Variants in CEACAM5 observed in about 807,000 individuals in gnomAD.
CEACAM5 encodes cell adhesion molecule CEACAM5.
A neutral mutation model predicts 63.0 loss-of-function variants in CEACAM5; 52 were observed. The observed-to-expected ratio is 0.83, with a 90% CI of 0.66 to 1.04. The LOEUF (loss-of-function observed/expected upper bound fraction) is 1.04. Ranked by LOEUF, CEACAM5 falls within the 50% of genes least tolerant of loss-of-function variation. CEACAM5 has a pLI of 0.00. For synonymous variants in CEACAM5, 357 were observed against 351.3 expected (o/e 1.02, Z -0.18); for missense variants, 790 against 864.8 (o/e 0.91, Z 1.08).
Position 41,717,442 on chromosome 19 carries a change from G to A in CEACAM5, c.959-13G>A. ...TGCCACACAGGGCAATCTTCTCTCT[G>A]TTATCTGCACAGCAGAGCCACCCAA... On this transcript the variant is annotated splice_polypyrimidine_tract_variant and intron_variant, in intron 4 of 9. Coordinates refer to ENST00000221992, the MANE Select transcript of CEACAM5 (RefSeq NM_004363.6). The A allele has an allele frequency of 1.2e-6, 2 of 1,607,808 alleles. No homozygotes were observed. The highest frequency in any genetic ancestry group is 1.7e-6 in the Non-Finnish European group (2 of 1,176,178).
At chr19:41,721,329 G>A (rs1434443866) in intron 8 of CEACAM5, among the ~76,000 whole-genome samples, 153 bp downstream of exon 8, 4 of 152,144 alleles carry the variant, frequency 2.6e-5, no homozygotes, top group African/African-American at 7.2e-5. Context: ...ACTCCATCTC[G>A]GCCAACTCTC....
chr19:41,718,354 G>A lies in CEACAM5; in HGVS notation c.1464G>A (p.Arg488=), dbSNP rs782270899. ...ATAACTCAGCCAGTGGCCACAGCAG[G>A]ACTACAGTCAAGACAATCACAGTCT... is the stretch of plus-strand genomic sequence containing the variant. ...QANNSASGHS[R]TTVKTITVSA... The change falls in exon 6 of 10, where the codon AGG becomes AGA. Residue 488 remains arginine (R), a synonymous_variant. Transcript: ENST00000221992. 1 of 1,614,026 alleles carries A rather than the reference G, an allele frequency of 6.2e-7. No homozygotes were observed. The highest frequency in any genetic ancestry group is 1.3e-5 in the African/African-American group (1 of 74,890).
intron 2 of CEACAM5, 106 bp downstream of exon 2, chr19:41,710,145 C>A (rs2072413683): frequency 1.3e-6 from 2 of 1,482,124 alleles, no homozygotes; most frequent in Non-Finnish European, 9.1e-7. Context: ...GCATTACGCA[C>A]CATGTTAGGG....
At chr19:41,728,677 C>G (rs1555817466) in intron 9 of CEACAM5, among the ~76,000 whole-genome samples, 1 of 151,504 alleles carries the variant, frequency 6.6e-6, no homozygotes, top group Non-Finnish European at 1.5e-5. Flanking sequence ...ATTCCAGCTA[C>G]TCAGAAGGCT....
chr19:41,714,506 A>T (rs1600459352), intron 2 of CEACAM5, among the ~76,000 whole-genome samples: 1 of 152,348 alleles, frequency 6.6e-6, no homozygotes, highest in Middle Eastern at 3.4e-3. Flanking sequence ...TTTAAGGACA[A>T]TGGGAAGACC....
At chr19:41,714,003 T>A (rs1054219635) in intron 2 of CEACAM5, among the ~76,000 whole-genome samples, 5 of 151,960 alleles carry the variant, frequency 3.3e-5, no homozygotes, top group Non-Finnish European at 7.4e-5. Context: ...ACACCTGAGG[T>A]CAGAAGTTCA....
In CEACAM5 at chr19:41,717,499, G is replaced by A. The variant is rs75927810; in HGVS notation, c.1003G>A (p.Val335Met). The A allele has an allele frequency of 3.3e-3, 5,249 of 1,614,154 alleles. 115 individuals carry two copies. In the African/African-American group the frequency reaches 0.054, roughly 17 times the overall value. ...PFITSNNSNP[V>M]EDEDAVALTC... The stretch of plus-strand genomic sequence containing the variant: ...CATCACCAGCAACAACTCCAACCCC[G>A]TGGAGGATGAGGATGCTGTAGCCTT... The change falls in exon 5 of 10, where the codon GTG becomes ATG. Residue 335 changes from valine (V) to methionine (M), a missense_variant. Val to Met is a conservative substitution (Grantham distance 21). Coordinates refer to ENST00000221992, the MANE Select transcript of CEACAM5 (RefSeq NM_004363.6).
At position 41,727,325 on chromosome 19, in the gene CEACAM5, G is replaced by A. The variant is rs1555817253; in HGVS notation, c.*9G>A. ...GGGTTGCTCTGATATAGCAGCCCTGGTGTAGTTTCTTCATTTCAGGAAGAC... is the reference window on the plus strand; with the variant it reads ...GGGTTGCTCTGATATAGCAGCCCTGATGTAGTTTCTTCATTTCAGGAAGAC... On this transcript the variant is annotated 3_prime_UTR_variant, in exon 9 of 10. Transcript: ENST00000221992. The A allele has an allele frequency of 2.5e-6, 4 of 1,603,112 alleles. 1 individual carries two copies. Among genetic ancestry groups the A allele is most frequent in the Admixed American group, 3.3e-5 (2 of 59,784 alleles).
At position 41,715,778 on chromosome 19, in the gene CEACAM5, C is replaced by T. The variant is rs1555814941; in HGVS notation, c.832C>T (p.Gln278Ter). Residue 278 changes from glutamine to a stop codon, truncating the protein, a stop_gained, in exon 4 of 10, where the codon CAG (glutamine) becomes TAG (stop). Coordinates refer to ENST00000221992, the MANE Select transcript of CEACAM5 (RefSeq NM_004363.6). LOFTEE classifies it high-confidence loss of function. ...QYSWFVNGTF[Q>*]QSTQELFIPN... ...CTCTTGGTTTGTCAATGGGACTTTC[C>T]AGCAATCCACCCAAGAGCTCTTTAT... The T allele has an allele frequency of 3.7e-6, 6 of 1,614,186 alleles. No individual in the cohort carries two copies. The highest frequency in any genetic ancestry group is 4.2e-6 in the Non-Finnish European group (5 of 1,180,026).
Position 41,718,189 on chromosome 19 carries a change from C to A in CEACAM5, c.1299C>A (p.Leu433=). ...CCTATTACCGTCCAGGGGTGAACCT[C>A]AGCCTCTCCTGCCATGCAGCCTCTA... is the stretch of plus-strand genomic sequence containing the variant. ...SYTYYRPGVN[L]SLSCHAASNP... The change falls in exon 6 of 10, where the codon CTC becomes CTA. Residue 433 remains leucine (L), a synonymous_variant. Coordinates refer to ENST00000221992, the MANE Select transcript of CEACAM5 (RefSeq NM_004363.6). 6.2e-7 allele frequency: 1 copy of A among 1,614,234 alleles called. No individual in the cohort carries two copies. The highest frequency in any genetic ancestry group is 2.2e-5 in the East Asian group (1 of 44,892).
chr19:41,710,833 G>A (rs1364569701), intron 2 of CEACAM5, among the ~76,000 whole-genome samples: 1 of 152,204 alleles, frequency 6.6e-6, no homozygotes, highest in African/African-American at 2.4e-5. Context: ...GTTCATTTGA[G>A]CAGCTCCTCT....
At chr19:41,711,735 T>C (rs1365814481) in intron 2 of CEACAM5, among the ~76,000 whole-genome samples, 2 of 152,130 alleles carry the variant, frequency 1.3e-5, no homozygotes, top group African/African-American at 4.8e-5. Flanking sequence ...TATTCCTCCA[T>C]GTTCTTCGTC....
chr19:41,709,556 AC>A, intron 1 of CEACAM5, 123 bp from the exon 2 acceptor site: 1 of 1,450,294 alleles, frequency 6.9e-7, no homozygotes, highest in Non-Finnish European at 9.3e-7. Flanking sequence ...ACACACACAC[AC>A]ACACACACAC....
intron 2 of CEACAM5, among the ~76,000 whole-genome samples, chr19:41,713,819 CT>C (rs2072474925): frequency 1.3e-5 from 2 of 152,224 alleles, no homozygotes; most frequent in Non-Finnish European, 2.9e-5. Context: ...CATGCTCCCC[CT>C]TTTCCACCAG....
chr19:41,710,176 T>C (rs1222029792), intron 2 of CEACAM5, 137 bp downstream of exon 2: 2 of 1,295,300 alleles, frequency 1.5e-6, no homozygotes, highest in Admixed American at 2.3e-5. Context: ...TAGTGCAGGA[T>C]ACACACAGAA....
intron 1 of CEACAM5, 119 bp from the exon 2 acceptor site, chr19:41,709,558 ACAC>A: frequency 6.9e-7 from 1 of 1,458,136 alleles, no homozygotes; most frequent in Non-Finnish European, 9.2e-7. Flanking sequence ...ACACACACAC[ACAC>A]ACACACTCAC....
At chr19:41,710,100 A>T in intron 2 of CEACAM5, 61 bp downstream of exon 2, 1 of 1,569,648 alleles carries the variant, frequency 6.4e-7, no homozygotes, top group South Asian at 1.2e-5. Context: ...CACACACAGG[A>T]TTATCAGGCC....
At chr19:41,714,250 T>C (rs1354386703) in intron 2 of CEACAM5, among the ~76,000 whole-genome samples, 2 of 151,986 alleles carry the variant, frequency 1.3e-5, no homozygotes, top group Admixed American at 6.6e-5. Context: ...ATACATATGG[T>C]TCTGCTGTTA....
At chr19:41,722,154 T>C (rs1328473173) in intron 8 of CEACAM5, among the ~76,000 whole-genome samples, 2 of 151,948 alleles carry the variant, frequency 1.3e-5, no homozygotes, top group South Asian at 2.1e-4. Flanking sequence ...TCCCAGCACT[T>C]TGGGAGGCCA....
Sources: gnomAD v4.1 joint callset for allele counts (sites outside exome capture counted in the v4.1 genomes callset) on GRCh38, gnomAD v4.1.1 for gene constraint, MANE v1.5 for transcripts, NCBI Gene and HGNC (gene_info 2026-07-23, HGNC 2026-07-21) for gene names.